PHF10: variants seen among roughly 807,000 people sequenced by gnomAD.
PHF10 encodes BRG1-associated factor 45a.
PHF10 carries 51 observed loss-of-function variants against 68.5 expected under a neutral mutation model. The observed-to-expected ratio is 0.74, with a 90% CI of 0.59 to 0.94. PHF10 has a LOEUF of 0.94. Ranked by LOEUF, PHF10 falls within the 40% of genes least tolerant of loss-of-function variation. The pLI, the probability that PHF10 is intolerant of heterozygous loss-of-function variation, is 0.00. For synonymous variants in PHF10, 204 were observed against 203.5 expected, an observed-to-expected ratio of 1.00 and a Z score of -0.02; for missense variants, 460 against 602.6, an observed-to-expected ratio of 0.76 and a Z score of 2.48.
chr6:169,723,809 G>C (rs1393739784), intron 1 of PHF10, 36 bp downstream of exon 1: 10 of 729,662 alleles, frequency 1.4e-5, no homozygotes, highest in African/African-American at 1.1e-4. Context: ...GGCCCGGGAC[G>C]GGGTCAGGGT....
At chr6:169,705,354 A>G (rs758522387) in intron 10 of PHF10, 33 bp from the exon 11 acceptor site, 16 of 1,484,020 alleles carry the variant, frequency 1.1e-5, no homozygotes, top group Middle Eastern at 1.8e-4. Context: ...GGTATCTCAC[A>G]TAAGAAATTT....
intron 1 of PHF10, among the ~76,000 whole-genome samples, chr6:169,722,068 AG>A (rs1277415589): frequency 9.2e-5 from 14 of 152,358 alleles, no homozygotes; most frequent in Admixed American, 9.1e-4. Context: ...AGACTATAAT[AG>A]TGCCCCATTA....
At chr6:169,723,269 C>G (rs1208153959) in intron 1 of PHF10, among the ~76,000 whole-genome samples, 2 of 152,206 alleles carry the variant, frequency 1.3e-5, no homozygotes, top group African/African-American at 4.8e-5. Context: ...CGTGACACTA[C>G]TGCTCATCTC....
intron 2 of PHF10, among the ~76,000 whole-genome samples, chr6:169,719,802 C>G (rs1330607456): frequency 6.6e-6 from 1 of 151,506 alleles, no homozygotes; most frequent in Non-Finnish European, 1.5e-5. Context: ...AAAGCACAAG[C>G]AACAAAAGAA....
rs139332707 is a variant in PHF10 at position 169,710,383 on chromosome 6, G to A, written c.966C>T (p.Ser322=). The A allele has an allele frequency of 6.4e-5, 103 of 1,611,770 alleles. 1 individual carries two copies. In the Middle Eastern group the frequency reaches 6.6e-4, roughly 10 times the overall value. ...TTTCCCCTTCAGATACATTGCCAGAGGAGCTGTCCTGGAGTTTAAAAGGCA... is the reference window on the plus strand; with the variant it reads ...TTTCCCCTTCAGATACATTGCCAGAAGAGCTGTCCTGGAGTTTAAAAGGCA... ...KRKNKGTSDS[S]SGNVSEGESP... is the part of the protein sequence containing the mutation. Residue 322 remains serine, a synonymous_variant, in exon 9 of 12, where the codon TCC becomes TCT. Coordinates refer to ENST00000339209, the MANE Select transcript of PHF10 (RefSeq NM_018288.4).
rs1408384720 is a variant in PHF10 at position 169,712,514 on chromosome 6, G to C, written c.829C>G (p.Leu277Val). ...KRYSPDELRY[L>V]PLNTALYEPP... The stretch of plus-strand genomic sequence containing the variant: ...TCATACAGGGCTGTGTTTAATGGCA[G>C]ATACCGCAGCTCATCTGGTGAGTAC... The change falls in exon 8 of 12, where the codon CTG becomes GTG. Residue 277 changes from leucine (L) to valine (V), a missense_variant. Physicochemically the swap from Leu to Val is conservative, Grantham distance 32. This residue lies in a region of PHF10 where 256 missense variants were observed against 410.5 expected (regional missense o/e 0.62). Transcript: ENST00000339209. The C allele has an allele frequency of 6.2e-7, 1 of 1,613,368 alleles. No homozygotes were observed. The highest frequency in any genetic ancestry group is 1.1e-5 in the South Asian group (1 of 90,954).
chr6:169,720,978 T>C, intron 2 of PHF10, 27 bp downstream of exon 2: 1 of 1,255,824 alleles, frequency 8.0e-7, no homozygotes. Flanking sequence ...TCACAAAAAA[T>C]ATTAATAACC....
At position 169,712,470 on chromosome 6, in the gene PHF10, C is replaced by A; in HGVS notation, c.873G>T (p.Glu291Asp). 1 of 1,613,912 alleles carries A rather than the reference C, an allele frequency of 6.2e-7. No homozygotes were observed. Among genetic ancestry groups the A allele is most frequent in the Non-Finnish European group, 8.5e-7 (1 of 1,179,782 alleles). The change falls in exon 8 of 12, where the codon GAG becomes GAT. Residue 291 changes from glutamate (E) to aspartate (D), a missense_variant. Transcript: ENST00000339209. ...TALYEPPLDPELPALDSDGDS... is the reference protein window; with the variant it reads ...TALYEPPLDPDLPALDSDGDS... Reference sequence around the variant, plus strand: ...CACCATCACTGTCTAGAGCAGGGAGCTCAGGATCCAGAGGGGGCTCATACA... The same window carrying A: ...CACCATCACTGTCTAGAGCAGGGAGATCAGGATCCAGAGGGGGCTCATACA...
chr6:169,705,349 C>A, intron 10 of PHF10, 28 bp from the exon 11 acceptor site: 1 of 1,500,230 alleles, frequency 6.7e-7, no homozygotes, highest in South Asian at 1.2e-5. Context: ...TTAGTGGTAT[C>A]TCACATAAGA....
At position 169,721,130 on chromosome 6, in the gene PHF10, C is replaced by T; in HGVS notation, c.88-19G>A. 1 of 1,268,162 alleles carries T rather than the reference C, an allele frequency of 7.9e-7. No individual in the cohort carries two copies. The highest frequency in any genetic ancestry group is 1.1e-6 in the Non-Finnish European group (1 of 894,928). The allele number at this position is 1,268,162 out of a possible 1,614,324, so 78.6% of individuals were successfully genotyped here. A position where few individuals can be genotyped will look rare whatever the true frequency, so the allele number is the denominator to read the frequency against. On this transcript the variant is annotated intron_variant, in intron 1 of 11. Transcript: ENST00000339209. ...TATCATCCTATACATTTAAAAGATT[C>T]AAAAATAATAATTAGAGAAAGAATA...
At chr6:169,713,474 C>T (rs573696329) in intron 7 of PHF10, among the ~76,000 whole-genome samples, 1 of 151,940 alleles carries the variant, frequency 6.6e-6, no homozygotes, top group South Asian at 2.1e-4. Flanking sequence ...GTGGCGGGCA[C>T]CTGTAATCCC....
intron 9 of PHF10, among the ~76,000 whole-genome samples, chr6:169,706,759 C>T (rs1381920924): frequency 1.3e-5 from 2 of 150,206 alleles, no homozygotes; most frequent in Non-Finnish European, 3.0e-5. Flanking sequence ...CACACACACA[C>T]ACACACACAC....
Position 169,714,682 on chromosome 6 carries a change from G to C in PHF10, c.803+51C>G, listed in dbSNP as rs769698620. ...TTAGGAGGCAAGTACAAAAGGCTCTGAAACCCCTTACCAATAGCCGATACC... is the reference window on the plus strand; with the variant it reads ...TTAGGAGGCAAGTACAAAAGGCTCTCAAACCCCTTACCAATAGCCGATACC... On this transcript the variant is annotated intron_variant, in intron 7 of 11. Transcript: ENST00000339209. 5 of 923,996 alleles carry C rather than the reference G, an allele frequency of 5.4e-6. No individual in the cohort carries two copies. In the East Asian group the frequency reaches 1.2e-4, roughly 22 times the overall value. 57.2% of individuals were successfully genotyped at this position (923,996 alleles called of 1,614,324 possible). A position where few individuals can be genotyped will look rare whatever the true frequency, so the allele number is the denominator to read the frequency against.
intron 3 of PHF10, 25 bp downstream of exon 3, chr6:169,718,763 A>T: frequency 7.8e-7 from 1 of 1,277,884 alleles, no homozygotes; most frequent in African/African-American, 1.5e-5. Context: ...TCAATTATAA[A>T]TTAATCTATT....
intron 11 of PHF10, chr6:169,704,327 T>C: frequency 2.2e-6 from 1 of 451,166 alleles, no homozygotes; most frequent in Non-Finnish European, 4.0e-6. Flanking sequence ...TGCCATACGG[T>C]GATACGGACC....
intron 3 of PHF10, 144 bp from the exon 4 acceptor site, chr6:169,718,050 T>A (rs542502599): frequency 2.1e-6 from 1 of 473,308 alleles, no homozygotes; most frequent in South Asian, 4.9e-5. Flanking sequence ...AAAAAATTTA[T>A]AAATTCAAGA....
chr6:169,713,629 CTT>C (rs1788977385), intron 7 of PHF10, among the ~76,000 whole-genome samples: 1 of 150,810 alleles, frequency 6.6e-6, no homozygotes, highest in African/African-American at 2.4e-5. Context: ...TGAAGAAAAA[CTT>C]TTAAAAAATT....
intron 8 of PHF10, among the ~76,000 whole-genome samples, chr6:169,710,742 T>A (rs1365740328): frequency 6.6e-6 from 1 of 151,820 alleles, no homozygotes; most frequent in Non-Finnish European, 1.5e-5. Context: ...ATTTGTTTCA[T>A]ACAAAAATAT....
intron 6 of PHF10, 116 bp downstream of exon 6, chr6:169,715,587 CAAACA>C (rs1452643091): frequency 6.7e-6 from 6 of 901,390 alleles, no homozygotes; most frequent in African/African-American, 1.7e-5. Context: ...AACAAACAAA[CAAACA>C]AAAAAAACAC....
Sources: gnomAD v4.1 joint callset for allele counts (sites outside exome capture counted in the v4.1 genomes callset) on GRCh38, gnomAD v4.1.1 for gene constraint, gnomAD v4.1.1 regional missense constraint, MANE v1.5 for transcripts, NCBI Gene and HGNC (gene_info 2026-07-23, HGNC 2026-07-21) for gene names.